ZNF652: variants seen among roughly 807,000 people sequenced by gnomAD.
The protein encoded by ZNF652 is zinc finger protein 652.
Under a neutral mutation model 45.2 loss-of-function variants are expected in ZNF652, and 16 were observed. The ratio of observed to expected loss-of-function variants is 0.35; its 90% confidence interval spans 0.24 to 0.54. ZNF652 has a LOEUF of 0.54. ZNF652 is among the 20% of genes least tolerant of loss of function. The pLI is 0.91. For missense variants in ZNF652, 614 were observed against 765.6 expected (o/e 0.80, Z 2.34); for synonymous variants, 250 against 260.6 (o/e 0.96, Z 0.39).
At chr17:49,308,606 A>T (rs1165322060) in intron 5 of ZNF652, among the ~76,000 whole-genome samples, 1 of 152,148 alleles carries the variant, frequency 6.6e-6, no homozygotes, top group Non-Finnish European at 1.5e-5. Context: ...GTTCAAGACC[A>T]GCCTGGCCAA....
intron 1 of ZNF652, among the ~76,000 whole-genome samples, chr17:49,359,572 T>C (rs2070371792): frequency 6.6e-6 from 1 of 152,196 alleles, no homozygotes; most frequent in Non-Finnish European, 1.5e-5. Context: ...GGTACTGTGC[T>C]TAAAATTACT....
chr17:49,305,979 C>A (rs768710520), intron 5 of ZNF652, among the ~76,000 whole-genome samples: 2 of 152,196 alleles, frequency 1.3e-5, no homozygotes, highest in African/African-American at 4.8e-5. Flanking sequence ...GAGACCTATC[C>A]GCATCCCCTT....
chr17:49,337,520 T>C (rs572803569), intron 1 of ZNF652, among the ~76,000 whole-genome samples: 5 of 152,222 alleles, frequency 3.3e-5, no homozygotes, highest in African/African-American at 9.6e-5. Flanking sequence ...AAGAGACTGA[T>C]TACTAGGGTT....
rs759816572 is a variant in ZNF652, at chr17:49,298,379, G to GT, written c.*33dup. ...TCTGTGCACGCTCACACATGGGGAC[G>GT]TGTCTCCTGGAGAACACACTAAGGA... On this transcript the variant is annotated 3_prime_UTR_variant, in exon 6 of 6. Coordinates refer to ENST00000430262, the MANE Select transcript of ZNF652 (RefSeq NM_001145365.3). 4.3e-5 allele frequency: 69 copies of GT among 1,610,724 alleles called. No individual in the cohort carries two copies. Among genetic ancestry groups the GT allele is most frequent in the Admixed American group, 5.0e-5 (3 of 59,892 alleles).
chr17:49,327,775 ATATATTTT>A (rs1281053307), intron 1 of ZNF652, among the ~76,000 whole-genome samples: 39 of 2,420 alleles, frequency 0.016, no homozygotes, highest in African/African-American at 0.052. Context: ...ATATATATAT[ATATATTTT>A]TTTTTTTTTT....
At chr17:49,338,378 C>T (rs1191779011) in intron 1 of ZNF652, among the ~76,000 whole-genome samples, 1 of 152,118 alleles carries the variant, frequency 6.6e-6, no homozygotes, top group African/African-American at 2.4e-5. Context: ...ACTGTGGTAA[C>T]CATCTTGCAT....
chr17:49,297,254 C>T lies in ZNF652; in HGVS notation c.*1159G>A, dbSNP rs2069488545. 6.6e-6 allele frequency: 1 copy of T among 152,464 alleles called. No homozygotes were observed. Among genetic ancestry groups the T allele is most frequent in the Non-Finnish European group, 1.5e-5 (1 of 68,018 alleles). The allele number at this position is 152,464 out of a possible 1,614,324, so 9.4% of individuals were successfully genotyped here. A position where few individuals can be genotyped will look rare whatever the true frequency, so the allele number is the denominator to read the frequency against. ...CAATTCTAGAAAAATAAAGCAACCT[C>T]AAAATGAGCGATTTCAATTTGTCAT... is the stretch of plus-strand genomic sequence containing the variant. On this transcript the variant is annotated 3_prime_UTR_variant, in exon 6 of 6. Coordinates refer to ENST00000430262, the MANE Select transcript of ZNF652 (RefSeq NM_001145365.3).
At chr17:49,339,197 ATTT>A (rs34574898) in intron 1 of ZNF652, among the ~76,000 whole-genome samples, 1 of 119,536 alleles carries the variant, frequency 8.4e-6, no homozygotes, top group Admixed American at 9.2e-5. Context: ...GAGTTAGGAA[ATTT>A]TTTTTTTTTT....
chr17:49,351,014 T>TATATATACATAC (rs2070273379), intron 1 of ZNF652, among the ~76,000 whole-genome samples: 9 of 29,730 alleles, frequency 3.0e-4, no homozygotes, highest in Non-Finnish European at 6.7e-4. Context: ...TATATATATA[T>TATATATACATAC]ACACACACAC....
Position 49,341,221 on chromosome 17 carries a change from G to C in ZNF652, c.-259+20688C>G, listed in dbSNP as rs190874686. 3.3e-5 allele frequency among the ~76,000 whole-genome samples: 5 copies of C among 149,964 alleles called. 1 individual carries two copies. The Admixed American group carries it at 3.3e-4, about 10-fold the overall frequency. ...TGACAGAGCGAGACTGTCTCAAAAA[G>C]AAAAGAAAAGAAGAAAAGAAAAGAA... is the stretch of plus-strand genomic sequence containing the variant. On this transcript the variant is annotated intron_variant, in intron 1 of 5. Coordinates refer to ENST00000430262, the MANE Select transcript of ZNF652 (RefSeq NM_001145365.3).
chr17:49,316,814 G>C lies in ZNF652; in HGVS notation c.900+12C>G. ...ATCCTGAAAAGTTTTCCCTCTCGGT[G>C]ATGAAACCTACCTGAATGTTTTTTT... On this transcript the variant is annotated intron_variant, in intron 2 of 5. Transcript: ENST00000430262. 6.3e-7 allele frequency: 1 copy of C among 1,597,622 alleles called. No individual in the cohort carries two copies.
chr17:49,329,568 A>T lies in ZNF652; in HGVS notation c.-258-11585T>A, dbSNP rs545900202. Among the ~76,000 whole-genome samples, 116 of 152,320 alleles carry T rather than the reference A, an allele frequency of 7.6e-4. 1 individual carries two copies. Among genetic ancestry groups the T allele is most frequent in the Non-Finnish European group, 8.8e-5 (6 of 68,008 alleles). ...TACATTTTATATGGTCAAGAAACAGAACTACAGTCTCATCTAATAAAAATG... is the reference window on the plus strand; with the variant it reads ...TACATTTTATATGGTCAAGAAACAGTACTACAGTCTCATCTAATAAAAATG... On this transcript the variant is annotated intron_variant, in intron 1 of 5. Transcript: ENST00000430262.
chr17:49,360,468 A>G (rs2070380939), intron 1 of ZNF652, among the ~76,000 whole-genome samples: 1 of 152,216 alleles, frequency 6.6e-6, no homozygotes, highest in African/African-American at 2.4e-5. Flanking sequence ...CAGGATCACT[A>G]AAACTTAGTG....
chr17:49,362,469 C>T (rs1598324955), upstream of ZNF652: 1 of 152,470 alleles, frequency 6.6e-6, no homozygotes, highest in East Asian at 1.9e-4. Context: ...CCGCCGGCTC[C>T]CCGCGCCGCC....
rs139862217 is a variant in ZNF652 at position 49,316,596 on chromosome 17, G to T, written c.900+230C>A. ...ACCTCCTGGTCAATCAACTATAACA[G>T]ATCCCCCTTCCAGTGTGCCTGGGTT... On this transcript the variant is annotated intron_variant, in intron 2 of 5. Coordinates refer to ENST00000430262, the MANE Select transcript of ZNF652 (RefSeq NM_001145365.3). Among the ~76,000 whole-genome samples the T allele has an allele frequency of 1.7e-3, 261 of 152,310 alleles. 1 individual carries two copies. The highest frequency in any genetic ancestry group is 6.0e-3 in the African/African-American group (249 of 41,548).
chr17:49,328,450 A>G (rs2069989859), intron 1 of ZNF652, among the ~76,000 whole-genome samples: 1 of 152,142 alleles, frequency 6.6e-6, no homozygotes, highest in Admixed American at 6.6e-5. Context: ...TTTCATGTTG[A>G]AATGTAATCC....
In ZNF652 at chr17:49,300,706, C is replaced by T. The variant is rs541430435; in HGVS notation, c.1310-1782G>A. Among the ~76,000 whole-genome samples the T allele has an allele frequency of 7.2e-5, 11 of 152,256 alleles. No individual in the cohort carries two copies. In the South Asian group the frequency reaches 1.0e-3, roughly 14 times the overall value. ...TTCACATTAACTCCTGCTATAAGAG[C>T]GTTGCTGTCACTTCCCTTGCTGCTC... is the stretch of plus-strand genomic sequence containing the variant. On this transcript the variant is annotated intron_variant, in intron 5 of 5. Transcript: ENST00000430262.
chr17:49,340,549 C>CAAAAAAAA (rs1040246588), intron 1 of ZNF652, among the ~76,000 whole-genome samples: 25 of 49,648 alleles, frequency 5.0e-4, no homozygotes, highest in Non-Finnish European at 8.4e-4. Context: ...GACTCTGTCT[C>CAAAAAAAA]AAAAAAAAAA....
At position 49,317,012 on chromosome 17, in the gene ZNF652, C is replaced by G. The variant is rs1379327654; in HGVS notation, c.714G>C (p.Lys238Asn). 1.2e-6 allele frequency: 2 copies of G among 1,614,168 alleles called. No homozygotes were observed. Among genetic ancestry groups the G allele is most frequent in the South Asian group, 1.1e-5 (1 of 91,082 alleles). ...KEPKAPVQKA[K>N]CEEKETLTCE... ...AGGTCAGAGTCTCTTTCTCTTCACACTTAGCTTTCTGGACTGGTGCTTTGG... is the reference window on the plus strand; with the variant it reads ...AGGTCAGAGTCTCTTTCTCTTCACAGTTAGCTTTCTGGACTGGTGCTTTGG... The change falls in exon 2 of 6, where the codon AAG (lysine) becomes AAC (asparagine). Residue 238 changes from lysine (K) to asparagine (N), a missense_variant. Coordinates refer to ENST00000430262, the MANE Select transcript of ZNF652 (RefSeq NM_001145365.3).
Sources: gnomAD v4.1 joint callset for allele counts (sites outside exome capture counted in the v4.1 genomes callset) on GRCh38, gnomAD v4.1.1 for gene constraint, MANE v1.5 for transcripts, NCBI Gene and HGNC (gene_info 2026-07-23, HGNC 2026-07-21) for gene names.